Variants in CCSER1 observed in about 807,000 individuals in gnomAD.
The protein encoded by CCSER1 is serine-rich coiled-coil domain-containing protein 1.
In CCSER1, 41 loss-of-function variants were observed where a neutral mutation model predicts 82.0. The observed-to-expected ratio is 0.50, with a 90% CI of 0.39 to 0.65. The LOEUF (loss-of-function observed/expected upper bound fraction) is 0.65, where lower values mean the gene tolerates loss of function less well. CCSER1 is among the 30% of genes least tolerant of loss of function. The probability of loss-of-function intolerance (pLI) is 0.00; values close to 1 mark genes in which losing one functional copy is unlikely to be tolerated. For synonymous variants in CCSER1, 414 were observed against 383.9 expected (o/e 1.08, Z -0.92); for missense variants, 1,119 against 1,064.2 (o/e 1.05, Z -0.72).
intron 9 of CCSER1, among the ~76,000 whole-genome samples, chr4:90,935,979 G>T (rs1193230239): frequency 5.3e-5 from 8 of 151,756 alleles, no homozygotes; most frequent in African/African-American, 1.9e-4. Flanking sequence ...GTCACTTTTT[G>T]CAATGAACAT....
chr4:91,104,411 C>T (rs1344530518), intron 10 of CCSER1, among the ~76,000 whole-genome samples: 4 of 152,170 alleles, frequency 2.6e-5, no homozygotes, highest in Non-Finnish European at 4.4e-5. Flanking sequence ...TGTGATGTCA[C>T]CCCTGGCAGC....
intron 10 of CCSER1, among the ~76,000 whole-genome samples, chr4:91,150,538 G>A (rs1191657793): frequency 6.6e-6 from 1 of 152,182 alleles, no homozygotes; most frequent in East Asian, 1.9e-4. Flanking sequence ...TGGTGAGAGA[G>A]GGCATCCCTG....
chr4:91,118,103 T>G (rs913951180), intron 10 of CCSER1, among the ~76,000 whole-genome samples: 2 of 152,186 alleles, frequency 1.3e-5, no homozygotes, highest in African/African-American at 2.4e-5. Flanking sequence ...TATCCCTGAT[T>G]CAATATTTTC....
Position 91,155,724 on chromosome 4 carries a change from C to G in CCSER1, c.2217+69730C>G, listed in dbSNP as rs915763376. ...CTCCCTTTATTCTATTAATCTCTTGCAGAAACTATCAAAAAAATTGTAAGA... is the reference window on the plus strand; with the variant it reads ...CTCCCTTTATTCTATTAATCTCTTGGAGAAACTATCAAAAAAATTGTAAGA... On this transcript the variant is annotated intron_variant, in intron 10 of 10. Coordinates refer to ENST00000509176, the MANE Select transcript of CCSER1 (RefSeq NM_001145065.2). 1.3e-5 allele frequency among the ~76,000 whole-genome samples: 2 copies of G among 151,726 alleles called. 1 individual carries two copies. The highest frequency in any genetic ancestry group is 2.9e-5 in the Non-Finnish European group (2 of 67,880).
intron 10 of CCSER1, among the ~76,000 whole-genome samples, chr4:91,178,752 C>T (rs974620769): frequency 1.3e-5 from 2 of 152,102 alleles, no homozygotes; most frequent in African/African-American, 4.8e-5. Context: ...GGTCTTGACT[C>T]TTTATCTAAT....
At chr4:90,340,262 A>G (rs1279954782) in intron 3 of CCSER1, among the ~76,000 whole-genome samples, 1 of 152,194 alleles carries the variant, frequency 6.6e-6, no homozygotes, top group African/African-American at 2.4e-5. Flanking sequence ...TAGAATACAC[A>G]TCCTAGTGCA....
intron 3 of CCSER1, among the ~76,000 whole-genome samples, chr4:90,368,773 C>T (rs1348798921): frequency 1.3e-5 from 2 of 151,940 alleles, no homozygotes; most frequent in Middle Eastern, 3.4e-3. Context: ...AATACGCACA[C>T]ACACACACAC....
chr4:90,380,844 T>C (rs1426626746), intron 3 of CCSER1, among the ~76,000 whole-genome samples: 1 of 152,204 alleles, frequency 6.6e-6, no homozygotes, highest in African/African-American at 2.4e-5. Flanking sequence ...ATTTAAGAAA[T>C]TCAAGGTACT....
chr4:91,002,947 G>A (rs761064210), intron 9 of CCSER1, among the ~76,000 whole-genome samples: 9 of 152,164 alleles, frequency 5.9e-5, no homozygotes, highest in Non-Finnish European at 1.3e-4. Flanking sequence ...ATGTTCCCTT[G>A]ATGTAGTACT....
At chr4:90,188,698 A>C (rs529823512) in intron 1 of CCSER1, among the ~76,000 whole-genome samples, 1 of 152,142 alleles carries the variant, frequency 6.6e-6, no homozygotes, top group Admixed American at 6.6e-5. Flanking sequence ...AGGCGCATCT[A>C]GAATAATGAA....
At chr4:90,270,655 C>T (rs1456889394) in intron 1 of CCSER1, among the ~76,000 whole-genome samples, 2 of 152,044 alleles carry the variant, frequency 1.3e-5, no homozygotes, top group Non-Finnish European at 2.9e-5. Context: ...AGGAATCAGA[C>T]TACTGTCTGA....
chr4:91,300,270 T>C (rs1180187891), intron 10 of CCSER1, among the ~76,000 whole-genome samples: 2 of 151,984 alleles, frequency 1.3e-5, no homozygotes, highest in African/African-American at 4.8e-5. Flanking sequence ...TTTTTGATAA[T>C]GGGAATTTTA....
chr4:91,243,586 A>G (rs1185087400), intron 10 of CCSER1, among the ~76,000 whole-genome samples: 1 of 152,204 alleles, frequency 6.6e-6, no homozygotes, highest in Non-Finnish European at 1.5e-5. Flanking sequence ...CAGCGGTAGT[A>G]GGACGGGGCA....
chr4:90,986,632 A>G (rs897766671), intron 9 of CCSER1, among the ~76,000 whole-genome samples: 1 of 151,690 alleles, frequency 6.6e-6, no homozygotes, highest in Non-Finnish European at 1.5e-5. Flanking sequence ...AACCACATGC[A>G]ATAACCCTCA....
chr4:90,588,023 T>A (rs1367088051), intron 5 of CCSER1, among the ~76,000 whole-genome samples: 2 of 152,198 alleles, frequency 1.3e-5, no homozygotes, highest in Admixed American at 6.5e-5. Flanking sequence ...TCTAAAAAAG[T>A]CCATACTTTA....
At chr4:90,907,518 C>A (rs529470427) in intron 8 of CCSER1, among the ~76,000 whole-genome samples, 49 of 152,116 alleles carry the variant, frequency 3.2e-4, no homozygotes, top group Non-Finnish European at 6.5e-4. Context: ...TAATTTTCAT[C>A]ATTAATTGGA....
chr4:90,157,144 G>A (rs1728383596), intron 1 of CCSER1, among the ~76,000 whole-genome samples: 1 of 152,108 alleles, frequency 6.6e-6, no homozygotes, highest in South Asian at 2.1e-4. Context: ...ACTTAGTTTG[G>A]CTGGATATGA....
chr4:90,484,774 C>T (rs895039816), intron 5 of CCSER1, among the ~76,000 whole-genome samples: 1 of 152,172 alleles, frequency 6.6e-6, no homozygotes, highest in African/African-American at 2.4e-5. Flanking sequence ...TGTGATATGT[C>T]AATCTGCCCC....
intron 8 of CCSER1, among the ~76,000 whole-genome samples, chr4:90,865,976 T>C (rs1765681887): frequency 6.6e-6 from 1 of 151,914 alleles, no homozygotes; most frequent in Non-Finnish European, 1.5e-5. Context: ...ATGTCTTACA[T>C]GGTCAGAGCA....
Sources: gnomAD v4.1 joint callset for allele counts (sites outside exome capture counted in the v4.1 genomes callset) on GRCh38, gnomAD v4.1.1 for gene constraint, MANE v1.5 for transcripts, NCBI Gene and HGNC (gene_info 2026-07-23, HGNC 2026-07-21) for gene names.